PLOD2: variants seen among roughly 807,000 people sequenced by gnomAD.
PLOD2 encodes the protein procollagen-lysine,2-oxoglutarate 5-dioxygenase 2, also known as lysine hydroxylase 2.
A neutral mutation model predicts 101.0 loss-of-function variants in PLOD2; 65 were observed. The observed-to-expected ratio is 0.64, with a 90% CI of 0.53 to 0.79. The LOEUF (loss-of-function observed/expected upper bound fraction) is 0.79, where lower values mean the gene tolerates loss of function less well. Among genes scored for constraint, PLOD2 ranks in the 30% least tolerant of loss-of-function variants. PLOD2 has a pLI of 0.00. For missense variants in PLOD2, 909 were observed against 914.6 expected, an observed-to-expected ratio of 0.99 and a Z score of 0.08; for synonymous variants, 314 against 302.9, an observed-to-expected ratio of 1.04 and a Z score of -0.38.
At chr3:146,148,174 G>C (rs950687151) in intron 1 of PLOD2, among the ~76,000 whole-genome samples, 4 of 152,034 alleles carry the variant, frequency 2.6e-5, no homozygotes, top group Non-Finnish European at 5.9e-5. Context: ...AGACATACTT[G>C]AGAAAAAGAG....
intron 1 of PLOD2, among the ~76,000 whole-genome samples, chr3:146,127,262 T>C (rs1402307567): frequency 6.6e-6 from 1 of 152,144 alleles, no homozygotes; most frequent in Non-Finnish European, 1.5e-5. Flanking sequence ...GCTTCTAGTA[T>C]ATCCATTACC....
Position 146,154,381 on chromosome 3 carries a change from T to C in PLOD2, c.109+6500A>G, listed in dbSNP as rs188457692. Among the ~76,000 whole-genome samples the C allele has an allele frequency of 2.1e-3, 317 of 152,202 alleles. 2 individuals carry two copies. Among genetic ancestry groups the C allele is most frequent in the African/African-American group, 7.2e-3 (299 of 41,524 alleles). On this transcript the variant is annotated intron_variant, in intron 1 of 19. Transcript: ENST00000282903. ...AATGTAGTATACCTTGTCACTTCTGTATTGATAATGCCTGGGGAGTATCCC... is the reference window on the plus strand; with the variant it reads ...AATGTAGTATACCTTGTCACTTCTGCATTGATAATGCCTGGGGAGTATCCC...
chr3:146,130,752 C>T (rs2030861193), intron 1 of PLOD2, among the ~76,000 whole-genome samples: 1 of 152,182 alleles, frequency 6.6e-6, no homozygotes, highest in African/African-American at 2.4e-5. Flanking sequence ...AGTTATTCCT[C>T]AATGTCATGT....
chr3:146,143,579 C>G lies in PLOD2; in HGVS notation c.109+17302G>C, dbSNP rs144261069. ...CTTAAAGAATTTCCCTGTATCTACC[C>G]TGGCCATTGTCAATCCCTTCTTTCT... On this transcript the variant is annotated intron_variant, in intron 1 of 19. Transcript: ENST00000282903. Among the ~76,000 whole-genome samples, 350 of 152,100 alleles carry G rather than the reference C, an allele frequency of 2.3e-3. 3 individuals are homozygous for G. The highest frequency in any genetic ancestry group is 8.1e-3 in the African/African-American group (337 of 41,502).
intron 1 of PLOD2, among the ~76,000 whole-genome samples, chr3:146,125,001 A>G (rs866951068): frequency 2.0e-5 from 3 of 152,158 alleles, no homozygotes; most frequent in Non-Finnish European, 4.4e-5. Context: ...TACTACAGAT[A>G]ATGATTATTT....
Position 146,071,432 on chromosome 3 carries a change from A to G in PLOD2, c.1849-9T>C. 6.2e-7 allele frequency: 1 copy of G among 1,610,716 alleles called. No homozygotes were observed. Among genetic ancestry groups the G allele is most frequent in the South Asian group, 1.1e-5 (1 of 91,022 alleles). On this transcript the variant is annotated splice_polypyrimidine_tract_variant and intron_variant, in intron 17 of 19. Coordinates refer to ENST00000282903, the MANE Select transcript of PLOD2 (RefSeq NM_182943.3). The stretch of plus-strand genomic sequence containing the variant: ...CCAGATATACGGCTATCCTAGAAAC[A>G]ACATTAATGACATAATAAGCTGTAC...
chr3:146,092,253 T>C (rs577329425), intron 7 of PLOD2, among the ~76,000 whole-genome samples: 94 of 151,938 alleles, frequency 6.2e-4, no homozygotes, highest in Non-Finnish European at 1.1e-3. Flanking sequence ...AAAATACAAA[T>C]AAGAGTCACA....
At chr3:146,127,731 A>T (rs1480893989) in intron 1 of PLOD2, among the ~76,000 whole-genome samples, 1 of 152,114 alleles carries the variant, frequency 6.6e-6, no homozygotes, top group Non-Finnish European at 1.5e-5. Flanking sequence ...CAAACGAAGA[A>T]ATACGAGTGG....
intron 11 of PLOD2, among the ~76,000 whole-genome samples, chr3:146,082,361 G>A (rs1936584591): frequency 6.6e-6 from 1 of 152,122 alleles, no homozygotes. Context: ...AACAGGCAAA[G>A]CTTTCCTGTA....
chr3:146,129,840 A>G (rs2030802669), intron 1 of PLOD2, among the ~76,000 whole-genome samples: 1 of 152,136 alleles, frequency 6.6e-6, no homozygotes, highest in African/African-American at 2.4e-5. Context: ...ATTCCTCTCC[A>G]TCTCCCAGCA....
At chr3:146,152,816 G>GT (rs1426878574) in intron 1 of PLOD2, among the ~76,000 whole-genome samples, 19 of 152,332 alleles carry the variant, frequency 1.2e-4, no homozygotes, top group African/African-American at 3.8e-4. Flanking sequence ...TCAGAGAAGA[G>GT]TAAGAACTCT....
intron 9 of PLOD2, among the ~76,000 whole-genome samples, chr3:146,088,136 C>T (rs1487253292): frequency 6.6e-6 from 1 of 151,602 alleles, no homozygotes; most frequent in Non-Finnish European, 1.5e-5. Flanking sequence ...GTATCAAAAT[C>T]CTTTGGGGAA....
chr3:146,118,127 A>T (rs540583552), intron 3 of PLOD2, among the ~76,000 whole-genome samples: 46 of 152,158 alleles, frequency 3.0e-4, no homozygotes, highest in Non-Finnish European at 5.9e-4. Flanking sequence ...GTTGTTTGAA[A>T]TCCATGGTAA....
At chr3:146,140,463 A>T (rs1201802229) in intron 1 of PLOD2, among the ~76,000 whole-genome samples, 1 of 152,114 alleles carries the variant, frequency 6.6e-6, no homozygotes, top group Non-Finnish European at 1.5e-5. Context: ...ATCCTCACTC[A>T]TTCTTAATTC....
chr3:146,139,770 T>C (rs1212818791), intron 1 of PLOD2, among the ~76,000 whole-genome samples: 1 of 152,108 alleles, frequency 6.6e-6, no homozygotes. Context: ...TAGCAAGAAA[T>C]TTATTACAAG....
chr3:146,123,712 A>G (rs2030354704), intron 2 of PLOD2, among the ~76,000 whole-genome samples: 2 of 151,044 alleles, frequency 1.3e-5, no homozygotes, highest in Admixed American at 1.3e-4. Context: ...ATGACCTGCC[A>G]GAAAGAAATT....
Position 146,079,187 on chromosome 3 carries a change from T to C in PLOD2, c.1429A>G (p.Asn477Asp). The C allele has an allele frequency of 6.2e-7, 1 of 1,611,422 alleles. No homozygotes were observed. The highest frequency in any genetic ancestry group is 8.5e-7 in the Non-Finnish European group (1 of 1,177,650). Residue 477 changes from asparagine (N) to aspartate (D), a missense_variant, in exon 13 of 20, where the codon AAT becomes GAT. Coordinates refer to ENST00000282903, the MANE Select transcript of PLOD2 (RefSeq NM_182943.3). ...IKGKTLRSEMNERNYFVRDKL... is the reference protein window; with the variant it reads ...IKGKTLRSEMDERNYFVRDKL... ...TCACGAACAAAATAGTTCCTTTCATTCATCTCTGATCGGAGTGTCTTTCCT... is the reference window on the plus strand; with the variant it reads ...TCACGAACAAAATAGTTCCTTTCATCCATCTCTGATCGGAGTGTCTTTCCT...
rs1396957135 is a variant in PLOD2, at chr3:146,122,337, A to C, written c.202-1089T>G. On this transcript the variant is annotated intron_variant, in intron 2 of 19. Coordinates refer to ENST00000282903, the MANE Select transcript of PLOD2 (RefSeq NM_182943.3). ...TAAAAATTGGCCTCCTCTGGCCCTG[A>C]GATTTGTTCCACAACCCATCTGGAA... 2.0e-5 allele frequency among the ~76,000 whole-genome samples: 3 copies of C among 152,176 alleles called. No individual in the cohort carries two copies. In the East Asian group the frequency reaches 5.8e-4, roughly 29 times the overall value.
chr3:146,136,280 G>A (rs146596424), intron 1 of PLOD2, among the ~76,000 whole-genome samples: 128 of 152,114 alleles, frequency 8.4e-4, no homozygotes, highest in African/African-American at 3.0e-3. Flanking sequence ...TGAACCTGAT[G>A]AGACTTTACC....
Sources: gnomAD v4.1 joint callset for allele counts (sites outside exome capture counted in the v4.1 genomes callset) on GRCh38, gnomAD v4.1.1 for gene constraint, MANE v1.5 for transcripts, NCBI Gene and HGNC (gene_info 2026-07-23, HGNC 2026-07-21) for gene names.